Variants in CDK8 observed in about 807,000 individuals in gnomAD.
CDK8 encodes the protein cyclin-dependent kinase 8.
A neutral mutation model predicts 71.5 loss-of-function variants in CDK8; 29 were observed. The ratio of observed to expected loss-of-function variants is 0.41; its 90% CI spans 0.30 to 0.55. CDK8 has a LOEUF of 0.55. Among genes scored for constraint, CDK8 ranks in the 20% least tolerant of loss-of-function variants. The pLI is 0.37. For missense variants in CDK8, 288 were observed against 572.6 expected, an observed-to-expected ratio of 0.50 and a Z score of 5.07; for synonymous variants, 161 against 192.1, an observed-to-expected ratio of 0.84 and a Z score of 1.34.
chr13:26,256,479 A>G (rs1426805688), intron 1 of CDK8, among the ~76,000 whole-genome samples: 3 of 152,184 alleles, frequency 2.0e-5, no homozygotes, highest in Non-Finnish European at 2.9e-5. Flanking sequence ...CCTTTGCATT[A>G]TTTTTAATCT....
At chr13:26,400,821 G>A (rs1395556949) in intron 10 of CDK8, among the ~76,000 whole-genome samples, 2 of 152,116 alleles carry the variant, frequency 1.3e-5, no homozygotes, top group Non-Finnish European at 2.9e-5. Flanking sequence ...TATGCGTGCT[G>A]TAGCTCCTTA....
At chr13:26,391,680 A>G (rs1352132518) in intron 6 of CDK8, among the ~76,000 whole-genome samples, 1 of 152,312 alleles carries the variant, frequency 6.6e-6, no homozygotes. Context: ...TAATTTTCCC[A>G]TATACCTTTC....
At position 26,297,728 on chromosome 13, in the gene CDK8, C is replaced by T. The variant is rs114694845; in HGVS notation, c.129-39839C>T. On this transcript the variant is annotated intron_variant, in intron 1 of 12. Transcript: ENST00000381527. ...GTCATTTAGGAGGATGTTAAGGAAA[C>T]GCTACTTATACCTGTTGGTAGTAAT... Among the ~76,000 whole-genome samples the T allele has an allele frequency of 8.0e-3, 1,219 of 152,202 alleles. 26 individuals carry two copies. Among genetic ancestry groups the T allele is most frequent in the African/African-American group, 0.026 (1,094 of 41,530 alleles).
At chr13:26,294,132 C>CTTTTTTTTTT (rs35555772) in intron 1 of CDK8, among the ~76,000 whole-genome samples, 1 of 147,134 alleles carries the variant, frequency 6.8e-6, no homozygotes, top group African/African-American at 2.5e-5. Flanking sequence ...TATTCTGCAC[C>CTTTTTTTTTT]TTTTTTTTTT....
chr13:26,273,121 G>A (rs1872406017), intron 1 of CDK8, among the ~76,000 whole-genome samples: 1 of 152,164 alleles, frequency 6.6e-6, no homozygotes. Flanking sequence ...AGGTCTCTAA[G>A]GGGTTGAACT....
intron 1 of CDK8, among the ~76,000 whole-genome samples, chr13:26,271,407 A>G (rs1039674686): frequency 6.6e-6 from 1 of 152,182 alleles, no homozygotes; most frequent in Non-Finnish European, 1.5e-5. Flanking sequence ...CCTGTACAGT[A>G]TGTTATTGTA....
intron 4 of CDK8, among the ~76,000 whole-genome samples, chr13:26,377,726 C>T (rs1192692462): frequency 6.6e-6 from 1 of 152,142 alleles, no homozygotes; most frequent in Non-Finnish European, 1.5e-5. Flanking sequence ...CCAGGTTTAT[C>T]TCTATCACTT....
At position 26,254,858 on chromosome 13, in the gene CDK8, G is replaced by C; in HGVS notation, c.128+89G>C. On this transcript the variant is annotated intron_variant, in intron 1 of 12. Transcript: ENST00000381527. This position sits in a 1 kb window ranked among gnomAD's most constrained non-coding sequence, Gnocchi z 6.7. ...GCCCGGAGGGAGAGCGGGCCGCCGG[G>C]GTGCCGGGCTCTGACTTCCTCGACG... The C allele has an allele frequency of 6.5e-7, 1 of 1,538,476 alleles. No homozygotes were observed. Among genetic ancestry groups the C allele is most frequent in the Non-Finnish European group, 8.8e-7 (1 of 1,137,612 alleles).
intron 1 of CDK8, among the ~76,000 whole-genome samples, chr13:26,300,901 G>T (rs1293496890): frequency 6.6e-6 from 1 of 152,146 alleles, no homozygotes; most frequent in Non-Finnish European, 1.5e-5. Flanking sequence ...TTTGAGTTTG[G>T]TACTGTAGGA....
intron 9 of CDK8, chr13:26,400,228 G>T: frequency 2.1e-6 from 1 of 481,282 alleles, no homozygotes; most frequent in African/African-American, 2.0e-5. Flanking sequence ...TTTAGTCAGA[G>T]AACATAAGCA....
At chr13:26,280,539 C>T (rs1872703416) in intron 1 of CDK8, among the ~76,000 whole-genome samples, 1 of 152,178 alleles carries the variant, frequency 6.6e-6, no homozygotes, top group South Asian at 2.1e-4. Context: ...AGTGGTACCA[C>T]AAAGTAGTTT....
chr13:26,285,969 C>T (rs1479089874), intron 1 of CDK8, among the ~76,000 whole-genome samples: 3 of 152,160 alleles, frequency 2.0e-5, no homozygotes, highest in African/African-American at 4.8e-5. Context: ...TGAAACATCT[C>T]TGCAAGGAAA....
intron 1 of CDK8, among the ~76,000 whole-genome samples, chr13:26,335,286 A>T (rs892628159): frequency 2.6e-5 from 4 of 152,170 alleles, no homozygotes; most frequent in African/African-American, 9.7e-5. Context: ...TCCATTGTTG[A>T]CTTAATCATT....
At chr13:26,293,904 T>C (rs1180696340) in intron 1 of CDK8, among the ~76,000 whole-genome samples, 10 of 152,200 alleles carry the variant, frequency 6.6e-5, no homozygotes, top group African/African-American at 1.7e-4. Flanking sequence ...GGTATACTTT[T>C]GCAAACCTCT....
At chr13:26,300,773 T>C (rs1364186691) in intron 1 of CDK8, among the ~76,000 whole-genome samples, 2 of 152,198 alleles carry the variant, frequency 1.3e-5, no homozygotes, top group Admixed American at 1.3e-4. Context: ...AGATATATTA[T>C]TGATTTTTCC....
intron 4 of CDK8, among the ~76,000 whole-genome samples, chr13:26,376,223 G>A (rs201032416): frequency 1.4e-4 from 1 of 7,336 alleles, no homozygotes; most frequent in African/African-American, 1.5e-4. Context: ...AATACATCAA[G>A]TTAAATTAAT....
intron 6 of CDK8, among the ~76,000 whole-genome samples, chr13:26,392,731 A>G (rs2138061758): frequency 6.6e-6 from 1 of 152,184 alleles, no homozygotes; most frequent in African/African-American, 2.4e-5. Flanking sequence ...ATCAAGAACC[A>G]CTTTGGAAAA....
At chr13:26,373,150 C>G (rs1039821893) in intron 4 of CDK8, among the ~76,000 whole-genome samples, 1 of 152,224 alleles carries the variant, frequency 6.6e-6, no homozygotes, top group Non-Finnish European at 1.5e-5. Context: ...TAAACGTCAC[C>G]TCAGAGAGAC....
intron 1 of CDK8, among the ~76,000 whole-genome samples, chr13:26,316,452 T>A (rs1020992646): frequency 3.1e-4 from 47 of 152,260 alleles, no homozygotes; most frequent in African/African-American, 1.1e-3. Flanking sequence ...TTTCCCTCCA[T>A]CTAGAGTCAC....
Sources: gnomAD v4.1 joint callset for allele counts (sites outside exome capture counted in the v4.1 genomes callset) on GRCh38, gnomAD v4.1.1 for gene constraint, Gnocchi (gnomAD v3.1) non-coding constraint, MANE v1.5 for transcripts, NCBI Gene and HGNC (gene_info 2026-07-23, HGNC 2026-07-21) for gene names.